IL1R1: variants seen among roughly 807,000 people sequenced by gnomAD.
IL1R1 encodes interleukin-1 receptor type 1.
In IL1R1, 22 loss-of-function variants were observed where a neutral mutation model predicts 50.2. The ratio of observed to expected loss-of-function variants is 0.44; its 90% CI spans 0.31 to 0.63. The LOEUF is 0.63. IL1R1 is among the 20% of genes least tolerant of loss of function. IL1R1 has a pLI of 0.07. For missense variants in IL1R1, 509 were observed against 676.2 expected (o/e 0.75, Z 2.74); for synonymous variants, 251 against 236.7 (o/e 1.06, Z -0.55).
At chr2:102,158,055 T>C (rs1051221789) in intron 3 of IL1R1, among the ~76,000 whole-genome samples, 1 of 152,310 alleles carries the variant, frequency 6.6e-6, no homozygotes, top group Admixed American at 6.5e-5. Context: ...AAAATCTAGG[T>C]CTCCAATCTA....
rs118080212 is a variant in IL1R1 at position 102,129,298 on chromosome 2, A to G, written c.-84+24426A>G. Among the ~76,000 whole-genome samples, 91 of 151,458 alleles carry G rather than the reference A, an allele frequency of 6.0e-4. 2 individuals carry two copies. The East Asian group carries it at 0.015, about 24-fold the overall frequency. On this transcript the variant is annotated intron_variant, in intron 1 of 10. Transcript: ENST00000409329. ...CAACAACAACAACAACAACAACAAAACCAAAACAAGAACTCCTTCCCAAAG... is the reference window on the plus strand; with the variant it reads ...CAACAACAACAACAACAACAACAAAGCCAAAACAAGAACTCCTTCCCAAAG...
At chr2:102,094,573 C>T (rs1679817687) in intron 1 of IL1R1, among the ~76,000 whole-genome samples, 1 of 152,116 alleles carries the variant, frequency 6.6e-6, no homozygotes, top group African/African-American at 2.4e-5. Context: ...CTTTAGTACG[C>T]TATAACTCAT....
intron 3 of IL1R1, among the ~76,000 whole-genome samples, chr2:102,160,540 G>A (rs895307553): frequency 1.3e-5 from 2 of 152,032 alleles, no homozygotes; most frequent in African/African-American, 4.8e-5. Context: ...GGTGTGTTGT[G>A]GACAGCTTAC....
chr2:102,099,079 C>T (rs766948564), intron 1 of IL1R1, among the ~76,000 whole-genome samples: 7 of 152,062 alleles, frequency 4.6e-5, no homozygotes, highest in South Asian at 2.1e-4. Context: ...AAAGGCACCG[C>T]GCCCAAAGTT....
chr2:102,080,362 A>G (rs1249962085), intron 1 of IL1R1, among the ~76,000 whole-genome samples: 1 of 152,216 alleles, frequency 6.6e-6, no homozygotes, highest in Non-Finnish European at 1.5e-5. Flanking sequence ...AATATGCACA[A>G]ATCTCTGATA....
chr2:102,091,225 C>CCCCT (rs1679652659), intron 1 of IL1R1, among the ~76,000 whole-genome samples: 1 of 152,186 alleles, frequency 6.6e-6, no homozygotes, highest in Non-Finnish European at 1.5e-5. Flanking sequence ...GTGCTTGAGG[C>CCCCT]AGGGCTTCTT....
chr2:102,107,141 T>G (rs778006391), intron 1 of IL1R1, among the ~76,000 whole-genome samples: 1 of 152,190 alleles, frequency 6.6e-6, no homozygotes, highest in Non-Finnish European at 1.5e-5. Flanking sequence ...AACTCTCTCA[T>G]CAGCATTGGG....
chr2:102,096,558 AT>A (rs373859835), intron 1 of IL1R1, among the ~76,000 whole-genome samples: 3,268 of 149,662 alleles, frequency 0.022, 73 homozygotes, highest in South Asian at 0.13. Context: ...CCTATTTAAT[AT>A]TTTTTTTTCT....
chr2:102,138,338 G>T (rs145168335), upstream of IL1R1, among the ~76,000 whole-genome samples: 526 of 152,290 alleles, frequency 3.5e-3, 2 homozygotes, highest in African/African-American at 0.012. Flanking sequence ...TCACTCATTT[G>T]CCTTCACTGA....
Position 102,174,627 on chromosome 2 carries a change from G to A in IL1R1, c.1032G>A (p.Thr344=), listed in dbSNP as rs201570254. 24 of 1,609,438 alleles carry A rather than the reference G, an allele frequency of 1.5e-5. No individual in the cohort carries two copies. Among genetic ancestry groups the A allele is most frequent in the South Asian group, 5.5e-5 (5 of 90,442 alleles). Residue 344 remains threonine, a synonymous_variant, in exon 10 of 12, where the codon ACG becomes ACA. Coordinates refer to ENST00000410023, the MANE Select transcript of IL1R1 (RefSeq NM_000877.4). ...FQKHMIGICV[T]LTVIIVCSVF... ...AGCACATGATTGGTATATGTGTCAC[G>A]TTGACAGTCATAATTGTGTGTTCTG...
At chr2:102,122,181 G>A (rs1387221727) in intron 1 of IL1R1, among the ~76,000 whole-genome samples, 2 of 152,166 alleles carry the variant, frequency 1.3e-5, no homozygotes, top group Non-Finnish European at 2.9e-5. Flanking sequence ...TGGCCTTCCT[G>A]GAAGAAGAAA....
chr2:102,071,753 C>T (rs1272911059), intron 1 of IL1R1, among the ~76,000 whole-genome samples: 4 of 152,126 alleles, frequency 2.6e-5, no homozygotes, highest in Non-Finnish European at 5.9e-5. Context: ...TTTACAACCT[C>T]TTGTGAGGGA....
At chr2:102,164,193 G>T (rs3917281) in intron 3 of IL1R1, among the ~76,000 whole-genome samples, 132,100 of 152,020 alleles carry the variant, frequency 0.87, 57,755 homozygotes, top group East Asian at 0.99. Flanking sequence ...CTCTTTCTGC[G>T]TGTCGTTATG....
intron 1 of IL1R1, among the ~76,000 whole-genome samples, chr2:102,150,769 A>T (rs572748920): frequency 6.6e-6 from 1 of 152,356 alleles, no homozygotes; most frequent in Admixed American, 6.5e-5. Flanking sequence ...GGGTCTGGAC[A>T]TCAGCATCTC....
At chr2:102,175,711 C>T (rs1686070000) in intron 11 of IL1R1, 66 bp downstream of exon 11, 2 of 1,473,526 alleles carry the variant, frequency 1.4e-6, no homozygotes, top group South Asian at 1.1e-5. Context: ...ATGTGGATTC[C>T]ATCTTTCTAG....
chr2:102,168,457 C>G (rs1328179235), intron 6 of IL1R1, 141 bp from the exon 7 acceptor site: 1 of 700,706 alleles, frequency 1.4e-6, no homozygotes, highest in Non-Finnish European at 2.6e-6. Context: ...CTTTCTGCCT[C>G]CTGTCTCCTG....
At chr2:102,073,049 T>C (rs1404168987) in intron 1 of IL1R1, among the ~76,000 whole-genome samples, 2 of 152,208 alleles carry the variant, frequency 1.3e-5, no homozygotes, top group Non-Finnish European at 2.9e-5. Context: ...TTTTCTTAAA[T>C]GTTTTCATTT....
At chr2:102,105,039 T>C (rs909961034) in intron 1 of IL1R1, among the ~76,000 whole-genome samples, 1 of 152,246 alleles carries the variant, frequency 6.6e-6, no homozygotes, top group African/African-American at 2.4e-5. Context: ...TTCTTGAAGT[T>C]ATATGGCTCT....
chr2:102,141,052 G>GA (rs1388593890), upstream of IL1R1, among the ~76,000 whole-genome samples: 2 of 152,236 alleles, frequency 1.3e-5, no homozygotes, highest in Non-Finnish European at 2.9e-5. Context: ...CCTTCATTAT[G>GA]AAAATGGAAG....
Sources: gnomAD v4.1 joint callset for allele counts (sites outside exome capture counted in the v4.1 genomes callset) on GRCh38, gnomAD v4.1.1 for gene constraint, MANE v1.5 for transcripts, NCBI Gene and HGNC (gene_info 2026-07-23, HGNC 2026-07-21) for gene names.